GLS: variants seen among roughly 807,000 people sequenced by gnomAD.
The protein encoded by GLS is glutaminase.
A neutral mutation model predicts 86.7 loss-of-function variants in GLS; 36 were observed. That is an observed-to-expected ratio of 0.42 (90% CI 0.32 to 0.55). The LOEUF (loss-of-function observed/expected upper bound fraction) is 0.55, where lower values mean the gene tolerates loss of function less well. Ranked by LOEUF, GLS falls within the 20% of genes least tolerant of loss-of-function variation. The pLI is 0.17. For synonymous variants in GLS, 317 were observed against 305.9 expected, an observed-to-expected ratio of 1.04 and a Z score of -0.38; for missense variants, 528 against 833.4, an observed-to-expected ratio of 0.63 and a Z score of 4.51.
intron 7 of GLS, chr2:190,919,659 C>A: frequency 2.3e-6 from 2 of 867,306 alleles, no homozygotes; most frequent in Non-Finnish European, 1.4e-6. Flanking sequence ...TTGACAACTG[C>A]AACAGTTCAA....
rs1689111287 is a variant in GLS at position 190,905,711 on chromosome 2, G to A, written c.979+544G>A. On this transcript the variant is annotated intron_variant, in intron 6 of 17. Transcript: ENST00000320717. This position sits in a 1 kb window ranked among gnomAD's most constrained non-coding sequence, Gnocchi z 4.6. ...TGCTTGGTTAACAAATCTTTTTACAGGAATTCAAAAGAAAAGGGGAGGACA... is the reference window on the plus strand; with the variant it reads ...TGCTTGGTTAACAAATCTTTTTACAAGAATTCAAAAGAAAAGGGGAGGACA... 6.6e-6 allele frequency among the ~76,000 whole-genome samples: 1 copy of A among 152,006 alleles called. No individual in the cohort carries two copies. The highest frequency in any genetic ancestry group is 2.4e-5 in the African/African-American group (1 of 41,402).
At position 190,924,475 on chromosome 2, in the gene GLS, C is replaced by A; in HGVS notation, c.1198-68C>A. The stretch of plus-strand genomic sequence containing the variant: ...ACACTTGTGTACATTTGAAATTTTT[C>A]ATATATTTCTCTACTTATGTGCATT... On this transcript the variant is annotated intron_variant, in intron 10 of 17. Coordinates refer to ENST00000320717, the MANE Select transcript of GLS (RefSeq NM_014905.5). This position sits in a 1 kb window ranked among gnomAD's most constrained non-coding sequence, Gnocchi z 5.2. The A allele has an allele frequency of 1.2e-6, 1 of 808,702 alleles. No homozygotes were observed. Among genetic ancestry groups the A allele is most frequent in the Non-Finnish European group, 2.2e-6 (1 of 454,688 alleles). The allele number at this position is 808,702 out of a possible 1,614,324, so 50.1% of individuals were successfully genotyped here. A position where few individuals can be genotyped will look rare whatever the true frequency, so the allele number is the denominator to read the frequency against.
At chr2:190,904,033 C>T (rs1489331231) in intron 5 of GLS, among the ~76,000 whole-genome samples, 2 of 152,096 alleles carry the variant, frequency 1.3e-5, no homozygotes, top group Non-Finnish European at 2.9e-5. Context: ...ATGTACTTCT[C>T]AGTTTGGTGG....
In GLS at chr2:190,954,070, C is replaced by A. The variant is rs970174740; in HGVS notation, c.1712+444C>A. ...CCATATACTGCTGTATACCTAAGGT[C>A]TTTTGTGTAGAGTTGTAACTTATTT... On this transcript the variant is annotated intron_variant, in intron 15 of 17. Coordinates refer to ENST00000320717, the MANE Select transcript of GLS (RefSeq NM_014905.5). This position sits in a 1 kb window ranked among gnomAD's most constrained non-coding sequence, Gnocchi z 4.0. 6.7e-6 allele frequency among the ~76,000 whole-genome samples: 1 copy of A among 149,944 alleles called. No individual in the cohort carries two copies. Among genetic ancestry groups the A allele is most frequent in the Non-Finnish European group, 1.5e-5 (1 of 67,788 alleles).
intron 14 of GLS, among the ~76,000 whole-genome samples, chr2:190,942,925 T>G (rs975071276): frequency 3.3e-5 from 5 of 152,094 alleles, no homozygotes; most frequent in African/African-American, 9.7e-5. Flanking sequence ...GCCTATCAAC[T>G]TAGAGTTGCA....
In GLS at chr2:190,925,588, A is replaced by G. The variant is rs147665023; in HGVS notation, c.1248+995A>G. 3.3e-5 allele frequency among the ~76,000 whole-genome samples: 5 copies of G among 152,320 alleles called. No individual in the cohort carries two copies. In the East Asian group the frequency reaches 7.7e-4, roughly 24 times the overall value. ...GTGAAGCCACATAGGAGGCTACATTATTGTTAATTTCTAGTTCACCTTACA... is the reference window on the plus strand; with the variant it reads ...GTGAAGCCACATAGGAGGCTACATTGTTGTTAATTTCTAGTTCACCTTACA... On this transcript the variant is annotated intron_variant, in intron 11 of 17. Transcript: ENST00000320717.
intron 7 of GLS, among the ~76,000 whole-genome samples, chr2:190,911,939 C>T (rs1689376095): frequency 6.6e-6 from 1 of 152,044 alleles, no homozygotes; most frequent in African/African-American, 2.4e-5. Context: ...AGAAGACTTC[C>T]TTCACTGCAC....
intron 14 of GLS, among the ~76,000 whole-genome samples, chr2:190,952,950 G>T (rs897096350): frequency 1.3e-5 from 2 of 152,188 alleles, no homozygotes; most frequent in African/African-American, 4.8e-5. Context: ...TAATAGAGGT[G>T]ACTTAATATT....
chr2:190,897,865 T>C lies in GLS; in HGVS notation c.605+2140T>C, dbSNP rs1371030090. ...AAAATACATTGTAGATTAATATTTT[T>C]AGACTTTTTCGGTAATCTGAGAAAA... On this transcript the variant is annotated intron_variant, in intron 3 of 17. Transcript: ENST00000320717. This position sits in a 1 kb window ranked among gnomAD's most constrained non-coding sequence, Gnocchi z 4.3. 6.6e-6 allele frequency among the ~76,000 whole-genome samples: 1 copy of C among 152,216 alleles called. No individual in the cohort carries two copies. The highest frequency in any genetic ancestry group is 1.5e-5 in the Non-Finnish European group (1 of 68,030).
Position 190,930,580 on chromosome 2 carries a change from T to C in GLS, c.1557+12T>C, listed in dbSNP as rs760028005. On this transcript the variant is annotated intron_variant, in intron 13 of 17. Transcript: ENST00000320717. The surrounding 1 kb of genome is among the most constrained non-coding windows in gnomAD (Gnocchi z 5.0). ...TTCACTTTTGTCACGTAAGCATATTTTCTTAATGTAAATAATGGTGTTACA... is the reference window on the plus strand; with the variant it reads ...TTCACTTTTGTCACGTAAGCATATTCTCTTAATGTAAATAATGGTGTTACA... The C allele has an allele frequency of 9.4e-6, 15 of 1,599,070 alleles. No individual in the cohort carries two copies. Among genetic ancestry groups the C allele is most frequent in the Non-Finnish European group, 1.1e-5 (13 of 1,174,682 alleles).
At chr2:190,922,422 T>C (rs1689767716) in intron 9 of GLS, among the ~76,000 whole-genome samples, 1 of 152,136 alleles carries the variant, frequency 6.6e-6, no homozygotes, top group African/African-American at 2.4e-5. Flanking sequence ...TCAGCTTAAG[T>C]ATCTTTTCCA....
At chr2:190,911,618 C>G (rs1287688453) in intron 7 of GLS, among the ~76,000 whole-genome samples, 1 of 151,850 alleles carries the variant, frequency 6.6e-6, no homozygotes, top group Non-Finnish European at 1.5e-5. Context: ...GTAAATGGGT[C>G]CTTATAAGAA....
At position 190,928,639 on chromosome 2, in the gene GLS, A is replaced by G. The variant is rs115627131; in HGVS notation, c.1425+1157A>G. On this transcript the variant is annotated intron_variant, in intron 12 of 17. Transcript: ENST00000320717. Reference sequence around the variant, plus strand: ...TGTGAGCCATTGCACCTGGCCTATTATATTATTTTATAGTTTGTTTGACTT... The same window carrying G: ...TGTGAGCCATTGCACCTGGCCTATTGTATTATTTTATAGTTTGTTTGACTT... Among the ~76,000 whole-genome samples, 849 of 150,340 alleles carry G rather than the reference A, an allele frequency of 5.6e-3. 8 individuals carry two copies. Among genetic ancestry groups the G allele is most frequent in the African/African-American group, 0.02 (804 of 41,088 alleles).
In GLS at chr2:190,954,774, A is replaced by G; in HGVS notation, c.1809A>G (p.Lys603=). The stretch of plus-strand genomic sequence containing the variant: ...GTATAGGTCATGTTGAAGTTGTTAA[A>G]TTTTTGCTGGAAGCCTGCAAAGTAA... ...AAAEGHVEVV[K]FLLEACKVNP... Residue 603 remains lysine, a synonymous_variant, in exon 17 of 18, where the codon AAA becomes AAG. Transcript: ENST00000320717. The surrounding 1 kb of genome is among the most constrained non-coding windows in gnomAD (Gnocchi z 4.0). 11 of 1,613,666 alleles carry G rather than the reference A, an allele frequency of 6.8e-6. No individual in the cohort carries two copies. The highest frequency in any genetic ancestry group is 9.3e-6 in the Non-Finnish European group (11 of 1,179,868).
chr2:190,898,730 C>T (rs570364140), intron 3 of GLS, among the ~76,000 whole-genome samples: 42 of 152,304 alleles, frequency 2.8e-4, no homozygotes, highest in African/African-American at 8.9e-4. Context: ...CTCCCAGGTT[C>T]AAGCAATTCT....
chr2:190,960,635 C>T (rs1314975027), intron 17 of GLS, among the ~76,000 whole-genome samples: 1 of 152,054 alleles, frequency 6.6e-6, no homozygotes, highest in Non-Finnish European at 1.5e-5. Context: ...CTCAGCCTCC[C>T]AAAGTGTTGG....
In GLS at chr2:190,953,576, G is replaced by A. The variant is rs202168519; in HGVS notation, c.1662G>A (p.Val554=). The A allele has an allele frequency of 1.4e-4, 221 of 1,610,112 alleles. 1 individual carries two copies. The highest frequency in any genetic ancestry group is 3.3e-4 in the Middle Eastern group (2 of 6,066). Residue 554 remains valine, a synonymous_variant, in exon 15 of 18, where the codon GTG becomes GTA. Transcript: ENST00000320717. This position sits in a 1 kb window ranked among gnomAD's most constrained non-coding sequence, Gnocchi z 4.0. The part of the protein sequence containing the change: ...REGGDQRVKS[V]INLLFAAYTG... ...TCTTTTCTTCACAGGTAAAGTCAGT[G>A]ATAAATCTTTTGTTTGCTGCATATA... is the stretch of plus-strand genomic sequence containing the variant.
intron 17 of GLS, among the ~76,000 whole-genome samples, chr2:190,960,015 T>G (rs993952862): frequency 5.9e-5 from 9 of 152,162 alleles, no homozygotes. Context: ...GCCTAGAATA[T>G]ATTCTGCTCC....
At chr2:190,948,640 A>T (rs529549482) in intron 14 of GLS, among the ~76,000 whole-genome samples, 1 of 152,334 alleles carries the variant, frequency 6.6e-6, no homozygotes, top group South Asian at 2.1e-4. Flanking sequence ...TTAATATATT[A>T]ATGGTATATA....
Sources: allele counts gnomAD v4.1 joint callset (sites outside exome capture counted in the v4.1 genomes callset), GRCh38; gene constraint gnomAD v4.1.1; non-coding constraint Gnocchi (gnomAD v3.1); transcripts MANE v1.5; gene names NCBI Gene and HGNC (gene_info 2026-07-23, HGNC 2026-07-21).